The following UQCC1 variants were observed in gnomAD, a reference collection of about 807,000 sequenced individuals.
The protein encoded by UQCC1 is ubiquinol-cytochrome c reductase complex assembly factor 1, also known as bFGF-repressed Zic-binding protein.
A neutral mutation model predicts 48.0 loss-of-function variants in UQCC1; 38 were observed. The observed-to-expected ratio is 0.79, with a 90% confidence interval of 0.61 to 1.04. The LOEUF (loss-of-function observed/expected upper bound fraction) is 1.04. UQCC1 is among the 50% of genes least tolerant of loss of function. The pLI is 0.00. For missense variants in UQCC1, 368 were observed against 381.8 expected (o/e 0.96, Z 0.30); for synonymous variants, 111 against 129.2 (o/e 0.86, Z 0.95).
chr20:35,411,009 A>G (rs1158446686), intron 1 of UQCC1, among the ~76,000 whole-genome samples: 3 of 152,078 alleles, frequency 2.0e-5, no homozygotes, highest in Non-Finnish European at 4.4e-5. Flanking sequence ...ATATAAAAAG[A>G]TCAAAAACAC....
intron 2 of UQCC1, among the ~76,000 whole-genome samples, chr20:35,389,323 G>T (rs2061985197): frequency 6.6e-6 from 1 of 152,118 alleles, no homozygotes; most frequent in Non-Finnish European, 1.5e-5. Flanking sequence ...ACCTCTCTTT[G>T]GGAGACCGAG....
intron 1 of UQCC1, among the ~76,000 whole-genome samples, chr20:35,406,167 C>A (rs1741884507): frequency 6.6e-6 from 1 of 152,094 alleles, no homozygotes; most frequent in Non-Finnish European, 1.5e-5. Flanking sequence ...TAATTAGAGT[C>A]TCAGAAGGAA....
intron 7 of UQCC1, among the ~76,000 whole-genome samples, chr20:35,324,973 C>T (rs62211524): frequency 2.4e-4 from 37 of 152,122 alleles, no homozygotes; most frequent in Admixed American, 2.6e-4. Context: ...AAATGTGGTA[C>T]ACACATACCA....
At chr20:35,380,195 A>G (rs1185140149) in intron 4 of UQCC1, among the ~76,000 whole-genome samples, 10 of 152,216 alleles carry the variant, frequency 6.6e-5, no homozygotes, top group Admixed American at 3.9e-4. Flanking sequence ...TGCCATAAGC[A>G]TAACATTTTT....
At chr20:35,306,440 C>A in intron 9 of UQCC1, 2 of 518,026 alleles carry the variant, frequency 3.9e-6, no homozygotes, top group Non-Finnish European at 7.0e-6. Flanking sequence ...GGGCAGGAGA[C>A]TACTCGATGC....
At chr20:35,332,843 A>G (rs2061271822) in intron 7 of UQCC1, among the ~76,000 whole-genome samples, 1 of 152,228 alleles carries the variant, frequency 6.6e-6, no homozygotes, top group Non-Finnish European at 1.5e-5. Flanking sequence ...TCCCCAGCCT[A>G]GCATTCTTCC....
chr20:35,355,140 C>T (rs1463917204), intron 6 of UQCC1, among the ~76,000 whole-genome samples: 1 of 152,124 alleles, frequency 6.6e-6, no homozygotes, highest in Non-Finnish European at 1.5e-5. Flanking sequence ...AACATGCAAA[C>T]TCCACACAGG....
intron 4 of UQCC1, 135 bp from the exon 5 acceptor site, chr20:35,374,391 C>A: frequency 1.9e-6 from 1 of 529,018 alleles, no homozygotes; most frequent in Non-Finnish European, 3.2e-6. Flanking sequence ...TAATTTAAAC[C>A]AATATAAATT....
In UQCC1 at chr20:35,312,487, C is replaced by T. The variant is rs191674881; in HGVS notation, c.651+2201G>A. Among the ~76,000 whole-genome samples, 75 of 152,200 alleles carry T rather than the reference C, an allele frequency of 4.9e-4. 1 individual carries two copies. The highest frequency in any genetic ancestry group is 2.9e-3 in the Admixed American group (44 of 15,292). The stretch of plus-strand genomic sequence containing the variant: ...TGCAAACACAGTAGGCATTGCACTA[C>T]CCAAAAAGAAATCCCCACCCAGCCA... On this transcript the variant is annotated intron_variant, in intron 8 of 9. Coordinates refer to ENST00000374385, the MANE Select transcript of UQCC1 (RefSeq NM_018244.5).
chr20:35,320,370 T>G (rs1345789902), intron 7 of UQCC1, among the ~76,000 whole-genome samples: 1 of 152,198 alleles, frequency 6.6e-6, no homozygotes, highest in African/African-American at 2.4e-5. Flanking sequence ...AAGAGGAATC[T>G]GATGTTTGGG....
chr20:35,369,308 T>A (rs1389420249), intron 5 of UQCC1, among the ~76,000 whole-genome samples: 2 of 152,242 alleles, frequency 1.3e-5, no homozygotes, highest in African/African-American at 4.8e-5. Flanking sequence ...CCCTAAAAAG[T>A]AACACCATTG....
At chr20:35,384,256 C>T in intron 2 of UQCC1, 123 bp from the exon 3 acceptor site, 1 of 745,322 alleles carries the variant, frequency 1.3e-6, no homozygotes, top group Non-Finnish European at 2.2e-6. Context: ...TCCCCGTGAT[C>T]AGCTCACCAG....
At chr20:35,397,121 C>T (rs549690435) in intron 1 of UQCC1, among the ~76,000 whole-genome samples, 2 of 151,458 alleles carry the variant, frequency 1.3e-5, no homozygotes, top group South Asian at 4.2e-4. Flanking sequence ...TCACTTGAAC[C>T]CAGGAGGCAA....
At chr20:35,376,181 G>A (rs578043413) in intron 4 of UQCC1, among the ~76,000 whole-genome samples, 22 of 151,364 alleles carry the variant, frequency 1.5e-4, no homozygotes, top group African/African-American at 5.1e-4. Flanking sequence ...GGTGGCAGGC[G>A]CCTGTAATCC....
chr20:35,310,302 C>T (rs1459510978), intron 8 of UQCC1, among the ~76,000 whole-genome samples: 1 of 152,014 alleles, frequency 6.6e-6, no homozygotes. Flanking sequence ...AAAACACAAG[C>T]GATCCAGAGA....
intron 8 of UQCC1, among the ~76,000 whole-genome samples, chr20:35,308,046 A>C (rs148469066): frequency 3.3e-3 from 500 of 152,342 alleles, no homozygotes; most frequent in Non-Finnish European, 6.2e-3. Context: ...GTAAGTGGTA[A>C]ACATTACCCA....
chr20:35,327,386 T>C lies in UQCC1; in HGVS notation c.574-12621A>G, dbSNP rs547186614. Among the ~76,000 whole-genome samples, 42 of 152,348 alleles carry C rather than the reference T, an allele frequency of 2.8e-4. 1 individual carries two copies. The Middle Eastern group carries it at 0.014, about 49-fold the overall frequency. On this transcript the variant is annotated intron_variant, in intron 7 of 9. Coordinates refer to ENST00000374385, the MANE Select transcript of UQCC1 (RefSeq NM_018244.5). ...CCAAAATACTGACCCAATGGTTATCTGAGAAAGAGGCTGTTCCCTGCTGAA... is the reference window on the plus strand; with the variant it reads ...CCAAAATACTGACCCAATGGTTATCCGAGAAAGAGGCTGTTCCCTGCTGAA...
chr20:35,352,624 G>A (rs2146402530), intron 6 of UQCC1, among the ~76,000 whole-genome samples: 1 of 152,282 alleles, frequency 6.6e-6, no homozygotes, highest in Middle Eastern at 3.4e-3. Flanking sequence ...CTATCACCTG[G>A]TCTAGATGAT....
At chr20:35,366,647 G>A in intron 5 of UQCC1, 33 bp from the exon 6 acceptor site, 5 of 1,570,942 alleles carry the variant, frequency 3.2e-6, no homozygotes, top group Non-Finnish European at 4.4e-6. Context: ...AAGTATGTGA[G>A]GGTTTAAAGG....
Sources: allele counts gnomAD v4.1 joint callset (sites outside exome capture counted in the v4.1 genomes callset), GRCh38; gene constraint gnomAD v4.1.1; transcripts MANE v1.5; gene names NCBI Gene and HGNC (gene_info 2026-07-23, HGNC 2026-07-21).